LRP1B: variants seen among roughly 807,000 people sequenced by gnomAD.
LRP1B encodes low-density lipoprotein receptor-related protein 1B.
In LRP1B, 217 loss-of-function variants were observed where a neutral mutation model predicts 556.6. The observed-to-expected ratio is 0.39, with a 90% confidence interval of 0.35 to 0.44. The LOEUF (loss-of-function observed/expected upper bound fraction) is 0.44, where lower values mean the gene tolerates loss of function less well. Ranked by LOEUF, LRP1B falls within the 20% of genes least tolerant of loss-of-function variation. The probability of loss-of-function intolerance (pLI) is 1.00; values close to 1 mark genes in which losing one functional copy is unlikely to be tolerated. For synonymous variants in LRP1B, 2,047 were observed against 1,865.8 expected (o/e 1.10, Z -2.50); for missense variants, 5,053 against 5,620.8 (o/e 0.90, Z 3.23).
At position 141,973,077 on chromosome 2, in the gene LRP1B, A is replaced by G. The variant is rs935035817; in HGVS notation, c.82+157571T>C. On this transcript the variant is annotated intron_variant, in intron 1 of 90. Transcript: ENST00000389484. ...TGTATTATTATGTAGTGTTTTATCAATATATTCCATTAACTTACAAACTGC... is the reference window on the plus strand; with the variant it reads ...TGTATTATTATGTAGTGTTTTATCAGTATATTCCATTAACTTACAAACTGC... Among the ~76,000 whole-genome samples, 4 of 151,656 alleles carry G rather than the reference A, an allele frequency of 2.6e-5. No individual in the cohort carries two copies. The East Asian group carries it at 5.8e-4, about 22-fold the overall frequency.
chr2:140,361,070 C>T (rs1682479772), intron 72 of LRP1B, among the ~76,000 whole-genome samples: 1 of 150,896 alleles, frequency 6.6e-6, no homozygotes, highest in Non-Finnish European at 1.5e-5. Context: ...TACTTTTCTC[C>T]CCATTAATAT....
At chr2:140,278,282 G>A (rs1682768856) in intron 84 of LRP1B, among the ~76,000 whole-genome samples, 1 of 151,938 alleles carries the variant, frequency 6.6e-6, no homozygotes, top group African/African-American at 2.4e-5. Context: ...TTGAATGCTG[G>A]TTTAAACTGA....
At chr2:140,846,752 C>T (rs1692285328) in intron 29 of LRP1B, among the ~76,000 whole-genome samples, 1 of 151,922 alleles carries the variant, frequency 6.6e-6, no homozygotes, top group Admixed American at 6.6e-5. Context: ...AATACAGAGA[C>T]CCACAGTGCA....
chr2:141,529,670 C>A lies in LRP1B; in HGVS notation c.206-49137G>T, dbSNP rs911342763. On this transcript the variant is annotated intron_variant, in intron 2 of 90. Transcript: ENST00000389484. ...TCTATTTACATTCTATTTTACATTGCAAATGAACCCTGAAAAAATACCACT... is the reference window on the plus strand; with the variant it reads ...TCTATTTACATTCTATTTTACATTGAAAATGAACCCTGAAAAAATACCACT... Among the ~76,000 whole-genome samples, 58 of 151,908 alleles carry A rather than the reference C, an allele frequency of 3.8e-4. 1 individual carries two copies. The highest frequency in any genetic ancestry group is 7.4e-5 in the Non-Finnish European group (5 of 67,978).
At chr2:140,692,880 A>G (rs1001030210) in intron 41 of LRP1B, among the ~76,000 whole-genome samples, 2 of 152,172 alleles carry the variant, frequency 1.3e-5, no homozygotes, top group Non-Finnish European at 2.9e-5. Flanking sequence ...TTATAAAGAT[A>G]TTCTGTATTC....
At chr2:141,798,947 T>C (rs1390110405) in intron 2 of LRP1B, among the ~76,000 whole-genome samples, 1 of 151,842 alleles carries the variant, frequency 6.6e-6, no homozygotes, top group African/African-American at 2.4e-5. Context: ...AGGACACAGA[T>C]ACACTCAGAG....
chr2:140,478,060 A>G (rs2105351640), intron 59 of LRP1B, among the ~76,000 whole-genome samples: 2 of 152,090 alleles, frequency 1.3e-5, no homozygotes, highest in African/African-American at 4.8e-5. Context: ...GGAAGAAAAA[A>G]CTTATCTTCA....
chr2:140,406,639 G>C (rs1385324828), intron 66 of LRP1B, among the ~76,000 whole-genome samples: 2 of 151,896 alleles, frequency 1.3e-5, no homozygotes, highest in African/African-American at 4.8e-5. Flanking sequence ...TAATAAAGGA[G>C]GTGAAAAATC....
chr2:140,674,799 A>G (rs1685613317), intron 41 of LRP1B, among the ~76,000 whole-genome samples: 1 of 152,178 alleles, frequency 6.6e-6, no homozygotes, highest in Non-Finnish European at 1.5e-5. Context: ...GAATAGTTTG[A>G]CTCTTTTCGT....
chr2:140,644,035 C>A (rs1431536997), intron 41 of LRP1B, among the ~76,000 whole-genome samples: 8 of 152,190 alleles, frequency 5.3e-5, no homozygotes, highest in African/African-American at 1.9e-4. Context: ...TTTCTCGTTA[C>A]TCTAGTAACA....
rs202198928 is a variant in LRP1B at position 141,058,840 on chromosome 2, C to A, written c.1408+43G>T. 1.1e-4 allele frequency: 171 copies of A among 1,488,546 alleles called. No individual in the cohort carries two copies. The African/African-American group carries it at 2.2e-3, about 19-fold the overall frequency. 92.2% of individuals were successfully genotyped at this position (1,488,546 alleles called of 1,614,324 possible). A position where few individuals can be genotyped will look rare whatever the true frequency, so the allele number is the denominator to read the frequency against. On this transcript the variant is annotated intron_variant, in intron 9 of 90. Coordinates refer to ENST00000389484, the MANE Select transcript of LRP1B (RefSeq NM_018557.3). ...AAAGCACAAGGACTATATCCCCATT[C>A]AATCTACCATTAGGAAGGTAATAAA... is the stretch of plus-strand genomic sequence containing the variant.
At chr2:141,456,252 C>T (rs1681625169) in intron 3 of LRP1B, among the ~76,000 whole-genome samples, 1 of 152,032 alleles carries the variant, frequency 6.6e-6, no homozygotes, top group African/African-American at 2.4e-5. Context: ...GTCACCAGAT[C>T]GATGTTACTT....
chr2:141,154,658 T>C (rs1171635244), intron 7 of LRP1B, among the ~76,000 whole-genome samples: 1 of 151,876 alleles, frequency 6.6e-6, no homozygotes, highest in Non-Finnish European at 1.5e-5. Flanking sequence ...TTTATGCATT[T>C]GGATGCTCAA....
rs142951446 is a variant in LRP1B, at chr2:140,527,443, C to T, written c.7763-1093G>A. Among the ~76,000 whole-genome samples the T allele has an allele frequency of 9.5e-3, 1,447 of 151,782 alleles. 19 individuals are homozygous for T. Among genetic ancestry groups the T allele is most frequent in the African/African-American group, 0.031 (1,276 of 41,452 alleles). On this transcript the variant is annotated intron_variant, in intron 47 of 90. Transcript: ENST00000389484. ...ATGGTTAAAATGCTATTTTAAAATACGCAGATTTTACAAAAGGGTGTGTAT... is the reference window on the plus strand; with the variant it reads ...ATGGTTAAAATGCTATTTTAAAATATGCAGATTTTACAAAAGGGTGTGTAT...
At chr2:141,005,575 T>G (rs1257695355) in intron 14 of LRP1B, 118 bp from the exon 15 acceptor site, 10 of 776,886 alleles carry the variant, frequency 1.3e-5, no homozygotes, top group African/African-American at 1.1e-4. Context: ...TATTTAGTAA[T>G]ATAGTGAAGA....
chr2:140,858,656 T>C (rs1419149711), intron 27 of LRP1B, among the ~76,000 whole-genome samples: 1 of 152,094 alleles, frequency 6.6e-6, no homozygotes, highest in African/African-American at 2.4e-5. Context: ...GCCATGGTGG[T>C]TTGCTGCACA....
chr2:141,977,010 T>C (rs1468436527), intron 1 of LRP1B, among the ~76,000 whole-genome samples: 3 of 152,184 alleles, frequency 2.0e-5, no homozygotes, highest in African/African-American at 7.2e-5. Context: ...TTGGAATATT[T>C]CAAATTATTT....
At position 140,439,144 on chromosome 2, in the gene LRP1B, T is replaced by C. The variant is rs546750472; in HGVS notation, c.10414+3360A>G. ...AAATTCTTAAATATTCTATTAGTTCTTGAAATAGGAGAGAGTAGGCTGAAG... is the reference window on the plus strand; with the variant it reads ...AAATTCTTAAATATTCTATTAGTTCCTGAAATAGGAGAGAGTAGGCTGAAG... On this transcript the variant is annotated intron_variant, in intron 66 of 90. Transcript: ENST00000389484. Among the ~76,000 whole-genome samples the C allele has an allele frequency of 2.2e-4, 33 of 152,302 alleles. No individual in the cohort carries two copies. In the South Asian group the frequency reaches 6.8e-3, roughly 32 times the overall value.
chr2:141,906,570 A>G (rs1422559454), intron 1 of LRP1B, among the ~76,000 whole-genome samples: 1 of 152,008 alleles, frequency 6.6e-6, no homozygotes, highest in African/African-American at 2.4e-5. Flanking sequence ...ACTAAATAGA[A>G]ATCTACCTCA....
Sources: allele counts gnomAD v4.1 joint callset (sites outside exome capture counted in the v4.1 genomes callset), GRCh38; gene constraint gnomAD v4.1.1; transcripts MANE v1.5; gene names NCBI Gene and HGNC (gene_info 2026-07-23, HGNC 2026-07-21).